TRPC7: variants seen among roughly 807,000 people sequenced by gnomAD.
TRPC7 encodes transient receptor potential cation channel subfamily C member 7.
TRPC7 carries 42 observed loss-of-function variants against 90.1 expected under a neutral mutation model. The observed-to-expected ratio is 0.47, with a 90% CI of 0.36 to 0.60. The LOEUF (loss-of-function observed/expected upper bound fraction) is 0.60. Among genes scored for constraint, TRPC7 ranks in the 20% least tolerant of loss-of-function variants. The probability of loss-of-function intolerance (pLI) is 0.00; values close to 1 mark genes in which losing one functional copy is unlikely to be tolerated. For missense variants in TRPC7, 955 were observed against 1,112.3 expected (o/e 0.86, Z 2.01); for synonymous variants, 451 against 436.3 (o/e 1.03, Z -0.42).
intron 2 of TRPC7, 69 bp from the exon 3 acceptor site, chr5:136,315,848 A>G: frequency 1.4e-6 from 2 of 1,468,508 alleles, no homozygotes; most frequent in Non-Finnish European, 1.9e-6. Context: ...CCAGCATAGC[A>G]GTGTCGATCA....
chr5:136,213,223 T>C lies in TRPC7; in HGVS notation c.*212A>G. ...TCCTCCCCTCCTCCCATGGTAGCTT[T>C]TCTTACCCAACCACCTAGATTCACA... is the stretch of plus-strand genomic sequence containing the variant. On this transcript the variant is annotated 3_prime_UTR_variant, in exon 12 of 12. Transcript: ENST00000513104. 1 of 571,668 alleles carries C rather than the reference T, an allele frequency of 1.7e-6. No individual in the cohort carries two copies. The highest frequency in any genetic ancestry group is 3.1e-6 in the Non-Finnish European group (1 of 324,524). The allele number at this position is 571,668 out of a possible 1,614,324, so 35.4% of individuals were successfully genotyped here.
intron 5 of TRPC7, among the ~76,000 whole-genome samples, chr5:136,261,551 T>C (rs1756858386): frequency 1.3e-5 from 2 of 152,236 alleles, no homozygotes. Context: ...CTGATTGTCA[T>C]GTCTCTGGCC....
chr5:136,325,115 A>G (rs1318731082), intron 2 of TRPC7, among the ~76,000 whole-genome samples: 2 of 152,232 alleles, frequency 1.3e-5, no homozygotes, highest in Non-Finnish European at 1.5e-5. Flanking sequence ...AAGTGTTTAA[A>G]ACATTTTAAT....
chr5:136,315,723 G>A lies in TRPC7; in HGVS notation c.837C>T (p.Asp279=). ...CCACCTCTTCTGTGTCTCGGCACAG[G>A]TCCAGCACGCCCACTACAAAATCCT... ...QCKDFVVGVL[D]LCRDTEEVEA... Residue 279 remains aspartate (D), a synonymous_variant, in exon 3 of 12, where the codon GAC becomes GAT. Coordinates refer to ENST00000513104, the MANE Select transcript of TRPC7 (RefSeq NM_020389.3). 1 of 1,614,032 alleles carries A rather than the reference G, an allele frequency of 6.2e-7. No individual in the cohort carries two copies. Among genetic ancestry groups the A allele is most frequent in the Non-Finnish European group, 8.5e-7 (1 of 1,179,950 alleles).
intron 1 of TRPC7, among the ~76,000 whole-genome samples, chr5:136,363,293 T>C (rs948543959): frequency 6.6e-6 from 1 of 152,146 alleles, no homozygotes; most frequent in South Asian, 2.1e-4. Flanking sequence ...CCTTTTTCTG[T>C]TGAAATTGAG....
chr5:136,283,834 T>C (rs1757624791), intron 3 of TRPC7, among the ~76,000 whole-genome samples: 1 of 152,218 alleles, frequency 6.6e-6, no homozygotes. Flanking sequence ...CTAGTTCTTT[T>C]TCATGTGATT....
intron 11 of TRPC7, among the ~76,000 whole-genome samples, chr5:136,215,432 G>A (rs531719866): frequency 6.6e-6 from 1 of 152,260 alleles, no homozygotes; most frequent in Admixed American, 6.5e-5. Flanking sequence ...GAACTGAGGT[G>A]GCAAATAGAA....
intron 11 of TRPC7, 109 bp downstream of exon 11, chr5:136,216,091 C>T (rs1755257257): frequency 2.3e-6 from 2 of 880,296 alleles, no homozygotes; most frequent in African/African-American, 3.4e-5. Context: ...TCCCTGGAGC[C>T]TCTGGAAAGG....
At position 136,213,487 on chromosome 5, in the gene TRPC7, C is replaced by A; in HGVS notation, c.2537G>T (p.Gly846Val). 3.1e-6 allele frequency: 5 copies of A among 1,614,034 alleles called. No homozygotes were observed. Among genetic ancestry groups the A allele is most frequent in the Non-Finnish European group, 4.2e-6 (5 of 1,179,892 alleles). Reference sequence around the variant, plus strand: ...CAGGTGGTCTTTGTTTAAGTTCTTTCCAAACTTCTCGCTGAGTTGTTGAAT... The same window carrying A: ...CAGGTGGTCTTTGTTTAAGTTCTTTACAAACTTCTCGCTGAGTTGTTGAAT... ...DLIQQLSEKF[G>V]KNLNKDHLRV... The change falls in exon 12 of 12, where the codon GGA (glycine) becomes GTA (valine). Residue 846 changes from glycine (G) to valine (V), a missense_variant. By Grantham distance (109) the Gly-to-Val change is moderately radical (BLOSUM62 -3). Transcript: ENST00000513104.
intron 5 of TRPC7, among the ~76,000 whole-genome samples, chr5:136,263,135 G>C (rs1360175367): frequency 6.6e-6 from 1 of 152,210 alleles, no homozygotes. Flanking sequence ...ACCGTTTTCA[G>C]AGCTTACCCA....
intron 3 of TRPC7, among the ~76,000 whole-genome samples, chr5:136,308,592 G>A (rs1758724536): frequency 6.6e-6 from 1 of 152,202 alleles, no homozygotes; most frequent in Admixed American, 6.5e-5. Flanking sequence ...CCCTGCCTGT[G>A]CTTTGTGCAG....
intron 3 of TRPC7, among the ~76,000 whole-genome samples, chr5:136,295,891 C>G (rs140510537): frequency 1.5e-3 from 235 of 152,302 alleles, no homozygotes; most frequent in African/African-American, 5.4e-3. Flanking sequence ...TCATCACTTC[C>G]TACTGGACAC....
chr5:136,260,852 A>G (rs1230430168), intron 5 of TRPC7, among the ~76,000 whole-genome samples: 2 of 152,282 alleles, frequency 1.3e-5, no homozygotes, highest in South Asian at 4.1e-4. Context: ...AGTACTTTGG[A>G]CTTGTTAGGG....
intron 3 of TRPC7, among the ~76,000 whole-genome samples, chr5:136,307,118 T>A (rs879780422): frequency 6.6e-6 from 1 of 152,268 alleles, no homozygotes; most frequent in Admixed American, 6.5e-5. Flanking sequence ...ATTTATCACC[T>A]TGCTTACCTA....
At chr5:136,239,652 A>G (rs751548948) in intron 7 of TRPC7, among the ~76,000 whole-genome samples, 14 of 151,828 alleles carry the variant, frequency 9.2e-5, no homozygotes, top group Non-Finnish European at 1.6e-4. Context: ...ATAGCCTGCC[A>G]CTCTACCCCT....
chr5:136,292,954 G>A (rs1007450047), intron 3 of TRPC7, among the ~76,000 whole-genome samples: 2 of 152,202 alleles, frequency 1.3e-5, no homozygotes, highest in Non-Finnish European at 2.9e-5. Context: ...CCATGATCAA[G>A]TGGGCTTCAT....
intron 3 of TRPC7, among the ~76,000 whole-genome samples, chr5:136,276,745 C>T (rs1757377673): frequency 2.0e-5 from 3 of 152,190 alleles, no homozygotes. Context: ...GAGGAACCCC[C>T]AGGCTGCAGG....
At chr5:136,263,412 C>T (rs1334357386) in intron 5 of TRPC7, among the ~76,000 whole-genome samples, 1 of 152,186 alleles carries the variant, frequency 6.6e-6, no homozygotes, top group African/African-American at 2.4e-5. Context: ...GAGTGCCCAT[C>T]ATTCAACCAA....
At position 136,231,342 on chromosome 5, in the gene TRPC7, A is replaced by C; in HGVS notation, c.2040+12T>G. ...TGAAGGAGAGCAAGCATTTTCAGTG[A>C]CCTGGCCTTACCTCAATTTCCTGAT... On this transcript the variant is annotated intron_variant, in intron 8 of 11. Transcript: ENST00000513104. 1.3e-6 allele frequency: 2 copies of C among 1,582,174 alleles called. No homozygotes were observed. The highest frequency in any genetic ancestry group is 1.7e-6 in the Non-Finnish European group (2 of 1,158,064).
Sources: allele counts gnomAD v4.1 joint callset (sites outside exome capture counted in the v4.1 genomes callset), GRCh38; gene constraint gnomAD v4.1.1; transcripts MANE v1.5; gene names NCBI Gene and HGNC (gene_info 2026-07-23, HGNC 2026-07-21).